The following PDE8A variants were observed in gnomAD, a reference collection of about 807,000 sequenced individuals.
PDE8A encodes the protein phosphodiesterase 8A.
In PDE8A, 59 loss-of-function variants were observed where a neutral mutation model predicts 105.0. The ratio of observed to expected loss-of-function variants is 0.56; its 90% CI spans 0.46 to 0.70. The LOEUF (loss-of-function observed/expected upper bound fraction) is 0.70, where lower values mean the gene tolerates loss of function less well. Among genes scored for constraint, PDE8A ranks in the 30% least tolerant of loss-of-function variants. The pLI is 0.00. For missense variants in PDE8A, 1,014 were observed against 1,045.9 expected (o/e 0.97, Z 0.42); for synonymous variants, 355 against 371.9 (o/e 0.95, Z 0.52).
chr15:85,083,898 A>C (rs1227542161), intron 6 of PDE8A, among the ~76,000 whole-genome samples: 7 of 152,058 alleles, frequency 4.6e-5, no homozygotes, highest in African/African-American at 1.7e-4. Context: ...CAGAATACAA[A>C]CTGCATATGC....
chr15:85,033,513 A>T (rs1443320824), intron 1 of PDE8A, among the ~76,000 whole-genome samples: 1 of 152,126 alleles, frequency 6.6e-6, no homozygotes, highest in Non-Finnish European at 1.5e-5. Flanking sequence ...AAGTAAAAGA[A>T]AGAAGACTTC....
chr15:85,075,718 A>C, intron 3 of PDE8A, 144 bp from the exon 4 acceptor site: 1 of 545,280 alleles, frequency 1.8e-6, no homozygotes, highest in Non-Finnish European at 3.2e-6. Flanking sequence ...AGTAGTCAAG[A>C]AGGTGAGTGA....
intron 20 of PDE8A, among the ~76,000 whole-genome samples, chr15:85,128,635 A>G (rs989807581): frequency 6.6e-6 from 1 of 152,246 alleles, no homozygotes; most frequent in African/African-American, 2.4e-5. Context: ...TTTACAAATT[A>G]TATTTGAAAG....
At chr15:84,992,448 A>G (rs902729304) in intron 1 of PDE8A, among the ~76,000 whole-genome samples, 2 of 152,196 alleles carry the variant, frequency 1.3e-5, no homozygotes, top group African/African-American at 2.4e-5. Flanking sequence ...AGCCAGGTTG[A>G]GGAGTTTGAA....
intron 1 of PDE8A, among the ~76,000 whole-genome samples, chr15:84,986,308 A>T (rs1376474360): frequency 6.6e-6 from 1 of 152,222 alleles, no homozygotes; most frequent in Non-Finnish European, 1.5e-5. Flanking sequence ...CCAACCTCTA[A>T]TCGAGTGTTA....
At chr15:85,053,218 C>T (rs1345485431) in intron 1 of PDE8A, among the ~76,000 whole-genome samples, 1 of 152,196 alleles carries the variant, frequency 6.6e-6, no homozygotes, top group African/African-American at 2.4e-5. Context: ...GTTTTGGTTA[C>T]TGTAGCCTTG....
chr15:85,100,318 T>C, intron 11 of PDE8A, 120 bp downstream of exon 11: 2 of 850,688 alleles, frequency 2.4e-6, no homozygotes, highest in South Asian at 1.6e-5. Context: ...TGTGGCAACA[T>C]TTCTCTCCTT....
intron 18 of PDE8A, among the ~76,000 whole-genome samples, chr15:85,122,706 CAGA>C (rs989503092): frequency 2.0e-5 from 3 of 152,202 alleles, no homozygotes; most frequent in Non-Finnish European, 1.5e-5. Flanking sequence ...TCGCAGCTTT[CAGA>C]AGATCGGTCC....
rs759178630 is a variant in PDE8A at position 85,016,216 on chromosome 15, A to G, written c.186+33868A>G. ...AATTTTTATGTAATTAATTCTAACA[A>G]TATTTCCCCTAATATCTTCTGGAGT... On this transcript the variant is annotated intron_variant, in intron 1 of 21. Coordinates refer to ENST00000394553, the MANE Select transcript of PDE8A (RefSeq NM_002605.3). Among the ~76,000 whole-genome samples, 124 of 152,300 alleles carry G rather than the reference A, an allele frequency of 8.1e-4. 1 individual carries two copies. The highest frequency in any genetic ancestry group is 4.6e-4 in the Admixed American group (7 of 15,296).
chr15:85,115,679 C>T (rs964628782), intron 15 of PDE8A, 192 bp downstream of exon 15: 4 of 544,464 alleles, frequency 7.3e-6, no homozygotes, highest in African/African-American at 2.0e-5. Context: ...AGCGGTGGCT[C>T]ACACCGCCGA....
In PDE8A at chr15:84,982,102, T is replaced by C; in HGVS notation, c.-61T>C. 2.7e-6 allele frequency: 3 copies of C among 1,111,648 alleles called. No individual in the cohort carries two copies. Among genetic ancestry groups the C allele is most frequent in the Non-Finnish European group, 3.4e-6 (3 of 885,544 alleles). The allele number at this position is 1,111,648 out of a possible 1,614,324, so 68.9% of individuals were successfully genotyped here. On this transcript the variant is annotated 5_prime_UTR_variant, in exon 1 of 22. Transcript: ENST00000394553. ...CCCGCGGCGGCCCGGAGGCGCCGGG[T>C]GGGCCGTTTGCTGACCGGATCGCGG... is the stretch of plus-strand genomic sequence containing the variant.
At chr15:85,053,430 A>G (rs1406102111) in intron 1 of PDE8A, among the ~76,000 whole-genome samples, 1 of 152,124 alleles carries the variant, frequency 6.6e-6, no homozygotes, top group East Asian at 1.9e-4. Context: ...CATTTTCACG[A>G]TATTGATTCT....
chr15:85,090,812 G>T, intron 7 of PDE8A: 1 of 561,846 alleles, frequency 1.8e-6, no homozygotes, highest in Non-Finnish European at 3.4e-6. Flanking sequence ...TGGAGCCTCA[G>T]GAGAACATAG....
intron 1 of PDE8A, among the ~76,000 whole-genome samples, chr15:85,059,369 A>G (rs561824064): frequency 4.6e-5 from 7 of 152,306 alleles, no homozygotes; most frequent in East Asian, 1.9e-4. Flanking sequence ...GTATATGTCT[A>G]TTAGATCTTG....
chr15:85,126,356 G>A lies in PDE8A; in HGVS notation c.2235G>A (p.Ser745=), dbSNP rs544161793. 8.9e-6 allele frequency: 14 copies of A among 1,576,878 alleles called. No individual in the cohort carries two copies. The highest frequency in any genetic ancestry group is 7.2e-5 in the South Asian group (6 of 83,680). Residue 745 remains serine (S), a synonymous_variant, in exon 20 of 22, where the codon TCG becomes TCA. Transcript: ENST00000394553. The part of the protein sequence containing the change: ...QYCIEWAARI[S]EEYFSQTDEE... ...GCATCGAGTGGGCTGCACGCATTTC[G>A]GAAGAATATTTTTCTCAGGTAAGTT...
In PDE8A at chr15:85,113,918, G is replaced by A. The variant is rs2082056556; in HGVS notation, c.1231G>A (p.Val411Met). 1 of 1,613,348 alleles carries A rather than the reference G, an allele frequency of 6.2e-7. No individual in the cohort carries two copies. Among genetic ancestry groups the A allele is most frequent in the South Asian group, 1.1e-5 (1 of 91,062 alleles). ...TGCCCAGGAAAGTAGTCCCATGCCTGTGACAGAAGCCCTAGACCGTGTGCT... is the reference window on the plus strand; with the variant it reads ...TGCCCAGGAAAGTAGTCCCATGCCTATGACAGAAGCCCTAGACCGTGTGCT... The part of the protein sequence containing the change: ...NAAQESSPMP[V>M]TEALDRVLEI... The change falls in exon 14 of 22, where the codon GTG becomes ATG. Residue 411 changes from valine to methionine, a missense_variant. Transcript: ENST00000394553.
At chr15:85,124,738 C>T (rs977086571) in intron 19 of PDE8A, among the ~76,000 whole-genome samples, 54 of 152,182 alleles carry the variant, frequency 3.5e-4, no homozygotes, top group African/African-American at 1.3e-3. Context: ...CCTGTACCAG[C>T]CTGTTTTATT....
chr15:85,067,011 C>G lies in PDE8A; in HGVS notation c.244-3C>G. 1 of 1,574,180 alleles carries G rather than the reference C, an allele frequency of 6.4e-7. No homozygotes were observed. The highest frequency in any genetic ancestry group is 8.6e-7 in the Non-Finnish European group (1 of 1,159,558). ...AAAAAGTGTTTGTGCTCTTTTGATT[C>G]AGGTACTTTTAGTGTTTACCAAAGA... On this transcript the variant is annotated splice_region_variant and splice_polypyrimidine_tract_variant and intron_variant, in intron 2 of 21. Coordinates refer to ENST00000394553, the MANE Select transcript of PDE8A (RefSeq NM_002605.3).
chr15:85,071,405 C>G (rs373351843), intron 3 of PDE8A, among the ~76,000 whole-genome samples: 12 of 152,346 alleles, frequency 7.9e-5, no homozygotes, highest in East Asian at 7.7e-4. Flanking sequence ...TGCATCTACT[C>G]AGAAACCCAA....
Sources: allele counts gnomAD v4.1 joint callset (sites outside exome capture counted in the v4.1 genomes callset), GRCh38; gene constraint gnomAD v4.1.1; transcripts MANE v1.5; gene names NCBI Gene and HGNC (gene_info 2026-07-23, HGNC 2026-07-21).